The following HSD17B4 variants were observed in gnomAD, a reference collection of about 807,000 sequenced individuals.
The protein encoded by HSD17B4 is hydroxysteroid 17-beta dehydrogenase 4, also known as peroxisomal multifunctional enzyme type 2.
HSD17B4 carries 70 observed loss-of-function variants against 101.0 expected under a neutral mutation model. The ratio of observed to expected loss-of-function variants is 0.69; its 90% confidence interval spans 0.57 to 0.85. The LOEUF is 0.85. Ranked by LOEUF, HSD17B4 falls within the 40% of genes least tolerant of loss-of-function variation. The pLI is 0.00. For synonymous variants in HSD17B4, 347 were observed against 297.1 expected (o/e 1.17, Z -1.73); for missense variants, 984 against 892.4 (o/e 1.10, Z -1.31).
chr5:119,460,688 T>C (rs901195205), intron 2 of HSD17B4, among the ~76,000 whole-genome samples: 3 of 152,190 alleles, frequency 2.0e-5, no homozygotes, highest in South Asian at 2.1e-4. Context: ...CAGAGGAATA[T>C]AGTGGGAATA....
intron 9 of HSD17B4, 22 bp from the exon 10 acceptor site, chr5:119,492,078 G>C (rs778319094): frequency 6.3e-7 from 1 of 1,598,632 alleles, no homozygotes; most frequent in South Asian, 1.1e-5. Flanking sequence ...ATGGTATAAT[G>C]TTTTCCCCCT....
chr5:119,454,916 C>T (rs977109358), intron 1 of HSD17B4, among the ~76,000 whole-genome samples: 5 of 152,144 alleles, frequency 3.3e-5, no homozygotes, highest in Non-Finnish European at 7.4e-5. Flanking sequence ...GTCACTACTC[C>T]TGGCCTTGGG....
intron 2 of HSD17B4, among the ~76,000 whole-genome samples, chr5:119,468,007 A>G (rs1311816602): frequency 6.6e-6 from 1 of 152,150 alleles, no homozygotes. Flanking sequence ...TTATCATTTA[A>G]TTGGGAAATT....
chr5:119,465,597 G>T (rs1459296093), intron 2 of HSD17B4, among the ~76,000 whole-genome samples: 1 of 152,176 alleles, frequency 6.6e-6, no homozygotes, highest in African/African-American at 2.4e-5. Context: ...CCAGCCTCAG[G>T]TATTTCCTAT....
intron 7 of HSD17B4, 85 bp from the exon 8 acceptor site, chr5:119,478,749 G>GT: frequency 9.4e-7 from 1 of 1,069,202 alleles, no homozygotes; most frequent in Non-Finnish European, 1.4e-6. Context: ...CTTTTGATAG[G>GT]TGCAGTAGTA....
chr5:119,534,902 A>G (rs755269222), intron 22 of HSD17B4, among the ~76,000 whole-genome samples: 4 of 152,060 alleles, frequency 2.6e-5, no homozygotes, highest in African/African-American at 4.8e-5. Context: ...GCACAAAATC[A>G]TTTAAAACAA....
intron 11 of HSD17B4, among the ~76,000 whole-genome samples, chr5:119,494,320 CTTTCT>C (rs1554064664): frequency 2.0e-5 from 3 of 148,298 alleles, no homozygotes; most frequent in Non-Finnish European, 3.0e-5. Context: ...TCCTTTCTTT[CTTTCT>C]TTTCTTTCTT....
At chr5:119,541,193 C>G (rs938788215) in intron 23 of HSD17B4, among the ~76,000 whole-genome samples, 5 of 152,176 alleles carry the variant, frequency 3.3e-5, no homozygotes, top group African/African-American at 4.8e-5. Context: ...TCGTTTTTAA[C>G]ACACCAGCTT....
At chr5:119,525,694 C>A in intron 18 of HSD17B4, 1 of 569,420 alleles carries the variant, frequency 1.8e-6, no homozygotes, top group South Asian at 2.1e-5. Context: ...CCAGATCTCT[C>A]ACATTCTTTT....
chr5:119,483,302 A>G (rs904411271), intron 8 of HSD17B4, among the ~76,000 whole-genome samples: 2 of 152,030 alleles, frequency 1.3e-5, no homozygotes, highest in Non-Finnish European at 2.9e-5. Context: ...GGTTTTCTGA[A>G]TTTGCCTGTG....
intron 7 of HSD17B4, among the ~76,000 whole-genome samples, chr5:119,478,453 T>C (rs1748800548): frequency 6.6e-6 from 1 of 152,210 alleles, no homozygotes; most frequent in African/African-American, 2.4e-5. Context: ...TGGCATTGTT[T>C]TAATGAGGCA....
At chr5:119,471,913 A>C (rs1292570063) in intron 2 of HSD17B4, among the ~76,000 whole-genome samples, 1 of 152,192 alleles carries the variant, frequency 6.6e-6, no homozygotes, top group Non-Finnish European at 1.5e-5. Context: ...CTTTCAATAG[A>C]TTATAAACTC....
intron 9 of HSD17B4, among the ~76,000 whole-genome samples, chr5:119,491,368 T>C (rs1385248834): frequency 1.3e-5 from 2 of 152,046 alleles, no homozygotes; most frequent in Non-Finnish European, 2.9e-5. Flanking sequence ...TCTTCTATCA[T>C]ATGCATATGA....
At chr5:119,536,841 C>T (rs2126917272) in intron 23 of HSD17B4, among the ~76,000 whole-genome samples, 1 of 152,146 alleles carries the variant, frequency 6.6e-6, no homozygotes. Flanking sequence ...TAAAATTAGA[C>T]ATTCCCAATA....
At chr5:119,508,308 A>G (rs1398292624) in intron 15 of HSD17B4, among the ~76,000 whole-genome samples, 6 of 152,276 alleles carry the variant, frequency 3.9e-5, no homozygotes, top group African/African-American at 9.6e-5. Flanking sequence ...TTGAAATACA[A>G]CTTGGTAATG....
chr5:119,454,490 G>C (rs1156590954), intron 1 of HSD17B4, among the ~76,000 whole-genome samples: 1 of 152,074 alleles, frequency 6.6e-6, no homozygotes, highest in African/African-American at 2.4e-5. Context: ...ATGTTTTCAA[G>C]AGATGGAGTC....
At chr5:119,480,420 T>C (rs900118694) in intron 8 of HSD17B4, among the ~76,000 whole-genome samples, 1 of 152,078 alleles carries the variant, frequency 6.6e-6, no homozygotes. Context: ...CATCACACAT[T>C]GGTAGGATCT....
intron 9 of HSD17B4, among the ~76,000 whole-genome samples, chr5:119,491,250 G>A (rs771437625): frequency 6.6e-6 from 1 of 152,072 alleles, no homozygotes; most frequent in Non-Finnish European, 1.5e-5. Flanking sequence ...CTTTATCAAG[G>A]CTGACTGGTT....
chr5:119,533,347 T>G (rs1580716596), intron 22 of HSD17B4, among the ~76,000 whole-genome samples: 1 of 149,408 alleles, frequency 6.7e-6, no homozygotes, highest in African/African-American at 2.5e-5. Flanking sequence ...TCAGGAAAGG[T>G]GAAATACTGG....
Sources: gnomAD v4.1 joint callset for allele counts (sites outside exome capture counted in the v4.1 genomes callset) on GRCh38, gnomAD v4.1.1 for gene constraint, MANE v1.5 for transcripts, NCBI Gene and HGNC (gene_info 2026-07-23, HGNC 2026-07-21) for gene names.